The following RAPGEF4 variants were observed in gnomAD, a reference collection of about 807,000 sequenced individuals.
RAPGEF4 encodes the protein RAP guanine-nucleotide-exchange factor (GEF) 4.
In RAPGEF4, 66 loss-of-function variants were observed where a neutral mutation model predicts 147.9. The ratio of observed to expected loss-of-function variants is 0.45; its 90% CI spans 0.37 to 0.55. The LOEUF (loss-of-function observed/expected upper bound fraction) is 0.55, where lower values mean the gene tolerates loss of function less well. Among genes scored for constraint, RAPGEF4 ranks in the 20% least tolerant of loss-of-function variants. The pLI, the probability that RAPGEF4 is intolerant of heterozygous loss-of-function variation, is 0.00. For synonymous variants in RAPGEF4, 419 were observed against 442.7 expected (o/e 0.95, Z 0.67); for missense variants, 1,071 against 1,257.3 (o/e 0.85, Z 2.24).
intron 6 of RAPGEF4, among the ~76,000 whole-genome samples, chr2:172,948,262 C>T (rs1382310446): frequency 2.0e-5 from 3 of 152,136 alleles, no homozygotes; most frequent in Non-Finnish European, 4.4e-5. Context: ...TTTTATGTGG[C>T]AGTAGATTTC....
chr2:172,774,778 T>G (rs1683991517), intron 1 of RAPGEF4, among the ~76,000 whole-genome samples: 1 of 152,238 alleles, frequency 6.6e-6, no homozygotes, highest in South Asian at 2.1e-4. Context: ...GATCAGAAGC[T>G]GTTTTAGGGC....
At chr2:172,861,135 C>T (rs3769294) in intron 4 of RAPGEF4, among the ~76,000 whole-genome samples, 3,396 of 152,232 alleles carry the variant, frequency 0.022, 75 homozygotes, top group East Asian at 0.11. Flanking sequence ...GGGCTTAAAG[C>T]GCCTGCTGAT....
At position 172,948,714 on chromosome 2, in the gene RAPGEF4, A is replaced by G. The variant is rs150690563; in HGVS notation, c.538-12046A>G. 5.3e-3 allele frequency among the ~76,000 whole-genome samples: 813 copies of G among 152,338 alleles called. 2 individuals carry two copies. Among genetic ancestry groups the G allele is most frequent in the Non-Finnish European group, 7.7e-3 (526 of 68,028 alleles). On this transcript the variant is annotated intron_variant, in intron 6 of 30. Coordinates refer to ENST00000397081, the MANE Select transcript of RAPGEF4 (RefSeq NM_007023.4). ...AAACTAATGCAGGAACAGAAAACCA[A>G]ATACTGCATGCTCTCACTTTAAGTG...
intron 1 of RAPGEF4, among the ~76,000 whole-genome samples, chr2:172,782,398 T>A (rs58599291): frequency 6.6e-6 from 1 of 152,314 alleles, no homozygotes; most frequent in East Asian, 1.9e-4. Flanking sequence ...CTTTTTTCCA[T>A]GTTCTTTCTC....
chr2:173,045,488 A>G (rs551999948), intron 29 of RAPGEF4, among the ~76,000 whole-genome samples: 9 of 152,360 alleles, frequency 5.9e-5, no homozygotes, highest in African/African-American at 1.9e-4. Flanking sequence ...AGGCTGAACA[A>G]GAAAAGATCT....
At position 173,042,838 on chromosome 2, in the gene RAPGEF4, G is replaced by T. The variant is rs1684935134; in HGVS notation, c.2854-5762G>T. 6.6e-6 allele frequency among the ~76,000 whole-genome samples: 1 copy of T among 152,196 alleles called. No individual in the cohort carries two copies. The highest frequency in any genetic ancestry group is 6.5e-5 in the Admixed American group (1 of 15,282). On this transcript the variant is annotated intron_variant, in intron 29 of 30. Transcript: ENST00000397081. This position sits in a 1 kb window ranked among gnomAD's most constrained non-coding sequence, Gnocchi z 4.2. ...TCTACACGTGCCTGGAAAGGCACCT[G>T]AACTGTCTTCTCCCATGGTCATCAT... is the stretch of plus-strand genomic sequence containing the variant.
intron 29 of RAPGEF4, among the ~76,000 whole-genome samples, chr2:173,043,506 G>C (rs918510840): frequency 1.3e-5 from 2 of 152,228 alleles, no homozygotes; most frequent in Non-Finnish European, 2.9e-5. Context: ...GGCCTGGAGG[G>C]CCTGCCGGTC....
chr2:172,757,614 T>C (rs759639789), intron 1 of RAPGEF4, among the ~76,000 whole-genome samples: 5 of 152,236 alleles, frequency 3.3e-5, no homozygotes, highest in Non-Finnish European at 7.3e-5. Flanking sequence ...GCTGTATGTA[T>C]AATACAAGTG....
intron 6 of RAPGEF4, among the ~76,000 whole-genome samples, chr2:172,927,563 G>A (rs1184656455): frequency 6.6e-6 from 1 of 151,934 alleles, no homozygotes; most frequent in Admixed American, 6.6e-5. Context: ...TTAAGCCCAG[G>A]AGTTGAGGCT....
intron 4 of RAPGEF4, among the ~76,000 whole-genome samples, chr2:172,854,563 A>G (rs1305673463): frequency 1.3e-5 from 2 of 152,094 alleles, no homozygotes; most frequent in Non-Finnish European, 2.9e-5. Flanking sequence ...TAGTCCATTT[A>G]CATTTAATGT....
intron 4 of RAPGEF4, among the ~76,000 whole-genome samples, chr2:172,818,904 C>T (rs907942346): frequency 2.0e-5 from 3 of 152,294 alleles, no homozygotes; most frequent in Admixed American, 1.3e-4. Context: ...TTAATTCTAT[C>T]CCCAATACCT....
chr2:172,860,589 T>G (rs1465973123), intron 4 of RAPGEF4, among the ~76,000 whole-genome samples: 3 of 151,636 alleles, frequency 2.0e-5, no homozygotes, highest in African/African-American at 7.3e-5. Flanking sequence ...TTTTTGGTTT[T>G]GTTTTACGGG....
chr2:173,038,545 C>G (rs957570206), intron 29 of RAPGEF4, among the ~76,000 whole-genome samples: 5 of 152,104 alleles, frequency 3.3e-5, no homozygotes, highest in Non-Finnish European at 7.4e-5. Context: ...AATGAGAACA[C>G]ATGGACACAG....
intron 3 of RAPGEF4, among the ~76,000 whole-genome samples, chr2:172,806,441 T>G (rs1430980796): frequency 1.3e-5 from 2 of 152,234 alleles, no homozygotes; most frequent in South Asian, 4.1e-4. Flanking sequence ...ACAGTTAGCT[T>G]ACTTGTAAAT....
At chr2:172,828,594 A>G (rs1387596558) in intron 4 of RAPGEF4, among the ~76,000 whole-genome samples, 2 of 152,214 alleles carry the variant, frequency 1.3e-5, no homozygotes, top group African/African-American at 2.4e-5. Flanking sequence ...GTTAACCAAG[A>G]GAACTGAAGG....
chr2:172,760,003 G>T (rs1302960864), intron 1 of RAPGEF4, among the ~76,000 whole-genome samples: 1 of 152,152 alleles, frequency 6.6e-6, no homozygotes, highest in Non-Finnish European at 1.5e-5. Flanking sequence ...TCCCAGGCTG[G>T]ATATTGACAG....
chr2:172,904,785 A>G (rs1212653936), intron 4 of RAPGEF4, among the ~76,000 whole-genome samples: 1 of 151,614 alleles, frequency 6.6e-6, no homozygotes. Context: ...GAGGTGCCAC[A>G]TCTAGGCCTG....
chr2:172,783,645 G>A lies in RAPGEF4; in HGVS notation c.66-11380G>A, dbSNP rs903480591. ...TGACAAAGTCAAGAGCCTCAGCCGAGAGAGAACTTGGGCAGTTGATTGCCT... is the reference window on the plus strand; with the variant it reads ...TGACAAAGTCAAGAGCCTCAGCCGAAAGAGAACTTGGGCAGTTGATTGCCT... On this transcript the variant is annotated intron_variant, in intron 1 of 30. Transcript: ENST00000397081. Among the ~76,000 whole-genome samples, 5 of 152,124 alleles carry A rather than the reference G, an allele frequency of 3.3e-5. 1 individual carries two copies. The highest frequency in any genetic ancestry group is 5.9e-5 in the Non-Finnish European group (4 of 68,018).
intron 6 of RAPGEF4, among the ~76,000 whole-genome samples, chr2:172,939,881 C>G (rs1281219585): frequency 6.6e-6 from 1 of 152,084 alleles, no homozygotes; most frequent in Non-Finnish European, 1.5e-5. Flanking sequence ...CTTGAAAAGA[C>G]TGTCTTCTCT....
Sources: allele counts gnomAD v4.1 joint callset (sites outside exome capture counted in the v4.1 genomes callset), GRCh38; gene constraint gnomAD v4.1.1; non-coding constraint Gnocchi (gnomAD v3.1); transcripts MANE v1.5; gene names NCBI Gene and HGNC (gene_info 2026-07-23, HGNC 2026-07-21).